The following DSCAM variants were observed in gnomAD, a reference collection of about 807,000 sequenced individuals.
DSCAM encodes DS cell adhesion molecule.
Under a neutral mutation model 217.7 loss-of-function variants are expected in DSCAM, and 47 were observed. That is an observed-to-expected ratio of 0.22 (90% confidence interval 0.17 to 0.28). The LOEUF is 0.28. DSCAM is among the 10% of genes least tolerant of loss of function. The pLI is 1.00. For synonymous variants in DSCAM, 1,056 were observed against 1,015.3 expected, an observed-to-expected ratio of 1.04 and a Z score of -0.76; for missense variants, 2,080 against 2,618.3, an observed-to-expected ratio of 0.79 and a Z score of 4.49.
chr21:40,632,392 T>C (rs554418754), intron 3 of DSCAM, among the ~76,000 whole-genome samples: 1 of 152,180 alleles, frequency 6.6e-6, no homozygotes, highest in African/African-American at 2.4e-5. Flanking sequence ...GTTTTATATA[T>C]ACATATGCAT....
chr21:40,589,444 C>A (rs574854024), intron 3 of DSCAM, among the ~76,000 whole-genome samples: 1 of 152,112 alleles, frequency 6.6e-6, no homozygotes, highest in South Asian at 2.1e-4. Flanking sequence ...GGTGTGGTGG[C>A]ATGTGCCTGT....
chr21:40,044,407 TCTC>T (rs762286419), intron 30 of DSCAM, 132 bp from the exon 31 acceptor site: 232 of 824,626 alleles, frequency 2.8e-4, no homozygotes, highest in Middle Eastern at 1.1e-3. Context: ...TTCCTTGACT[TCTC>T]CTGTGCAGAG....
At chr21:40,679,725 AAAAT>A in intron 3 of DSCAM, among the ~76,000 whole-genome samples, 1 of 152,364 alleles carries the variant, frequency 6.6e-6, no homozygotes, top group South Asian at 2.1e-4. Context: ...CTATTTAAGA[AAAAT>A]AAACGTTTTA....
intron 3 of DSCAM, among the ~76,000 whole-genome samples, chr21:40,431,802 C>T (rs1156738007): frequency 1.3e-5 from 2 of 152,218 alleles, no homozygotes; most frequent in Non-Finnish European, 2.9e-5. Flanking sequence ...AGTACCCCAA[C>T]TGCTGCATTT....
At chr21:40,773,142 A>G (rs536403236) in intron 1 of DSCAM, among the ~76,000 whole-genome samples, 4 of 152,212 alleles carry the variant, frequency 2.6e-5, no homozygotes, top group South Asian at 4.1e-4. Context: ...TGTTCAACCA[A>G]TCCTTCATCA....
At position 40,847,043 on chromosome 21, in the gene DSCAM, G is replaced by C. The variant is rs1176865505; in HGVS notation, c.-382C>G. 1 of 152,468 alleles carries C rather than the reference G, an allele frequency of 6.6e-6. No homozygotes were observed. Among genetic ancestry groups the C allele is most frequent in the African/African-American group, 2.4e-5 (1 of 41,478 alleles). 9.4% of individuals were successfully genotyped at this position (152,468 alleles called of 1,614,324 possible). On this transcript the variant is annotated 5_prime_UTR_variant, in exon 1 of 33. Coordinates refer to ENST00000400454, the MANE Select transcript of DSCAM (RefSeq NM_001389.5). Reference sequence around the variant, plus strand: ...GCAGCCAGCGGCCTCCCGTGCGCCAGCCCTCACCCTCCGCATCCAGGCAGC... The same window carrying C: ...GCAGCCAGCGGCCTCCCGTGCGCCACCCCTCACCCTCCGCATCCAGGCAGC...
At chr21:40,652,341 CAACAACAAAAA>C (rs1001617170) in intron 3 of DSCAM, among the ~76,000 whole-genome samples, 57 of 31,822 alleles carry the variant, frequency 1.8e-3, no homozygotes, top group African/African-American at 0.01. Flanking sequence ...AAAACAACAA[CAACAACAAAAA>C]AAAAAAAAAA....
chr21:40,628,370 G>A (rs926029680), intron 3 of DSCAM, among the ~76,000 whole-genome samples: 12 of 152,148 alleles, frequency 7.9e-5, no homozygotes, highest in Non-Finnish European at 1.6e-4. Context: ...ACAAATTACT[G>A]TACCTCTACA....
intron 10 of DSCAM, among the ~76,000 whole-genome samples, chr21:40,287,450 T>C (rs970274127): frequency 4.6e-5 from 7 of 152,006 alleles, no homozygotes; most frequent in African/African-American, 1.4e-4. Flanking sequence ...CCCCTGGACA[T>C]TGGGAGGGAA....
At chr21:40,471,132 G>C (rs1014961128) in intron 3 of DSCAM, among the ~76,000 whole-genome samples, 3 of 152,106 alleles carry the variant, frequency 2.0e-5, no homozygotes, top group African/African-American at 7.2e-5. Flanking sequence ...CTTTCTCTAA[G>C]GTTTAGCATA....
intron 3 of DSCAM, among the ~76,000 whole-genome samples, chr21:40,392,679 G>A (rs2075144681): frequency 6.6e-6 from 1 of 152,090 alleles, no homozygotes; most frequent in African/African-American, 2.4e-5. Context: ...TGAAGCCTCT[G>A]GGTCTACTCC....
intron 3 of DSCAM, among the ~76,000 whole-genome samples, chr21:40,536,824 T>A (rs2076503529): frequency 6.6e-6 from 1 of 152,064 alleles, no homozygotes; most frequent in African/African-American, 2.4e-5. Flanking sequence ...ACACAGAAAA[T>A]TTTGGCAATG....
intron 3 of DSCAM, among the ~76,000 whole-genome samples, chr21:40,502,462 G>A (rs541725603): frequency 6.6e-6 from 1 of 152,148 alleles, no homozygotes; most frequent in Non-Finnish European, 1.5e-5. Context: ...TCCAAAATGG[G>A]TCAAGCTGGG....
intron 3 of DSCAM, among the ~76,000 whole-genome samples, chr21:40,429,933 A>C (rs1404660362): frequency 6.6e-6 from 1 of 152,206 alleles, no homozygotes; most frequent in Non-Finnish European, 1.5e-5. Flanking sequence ...TAAAGTTACT[A>C]ATATCTCCTT....
In DSCAM at chr21:40,232,151, T is replaced by C. The variant is rs543912414; in HGVS notation, c.2357-42913A>G. 3.3e-5 allele frequency among the ~76,000 whole-genome samples: 5 copies of C among 152,318 alleles called. No individual in the cohort carries two copies. The South Asian group carries it at 6.2e-4, about 19-fold the overall frequency. On this transcript the variant is annotated intron_variant, in intron 11 of 32. Transcript: ENST00000400454. ...ACTTCTGCATTGGCAGACCTAGAAC[T>C]GTAACTACAGGCAGATGACGTCACT...
At chr21:40,183,426 C>A (rs538989455) in intron 14 of DSCAM, among the ~76,000 whole-genome samples, 1 of 152,168 alleles carries the variant, frequency 6.6e-6, no homozygotes, top group African/African-American at 2.4e-5. Context: ...TGCCTGTGCC[C>A]GCTCAGATGA....
chr21:40,030,021 CATACACATTCACACACAA>C (rs1446926265), intron 32 of DSCAM, among the ~76,000 whole-genome samples: 1 of 152,242 alleles, frequency 6.6e-6, no homozygotes, highest in Non-Finnish European at 1.5e-5. Context: ...TGCGTGCACA[CATACACATTCACACACAA>C]GTACACATGC....
intron 1 of DSCAM, among the ~76,000 whole-genome samples, chr21:40,751,663 C>G (rs991269619): frequency 2.6e-5 from 4 of 152,026 alleles, no homozygotes; most frequent in Non-Finnish European, 5.9e-5. Context: ...GATTAGTTAA[C>G]AAGGAGTTCA....
chr21:40,634,299 G>A (rs116778455), intron 3 of DSCAM, among the ~76,000 whole-genome samples: 292 of 152,284 alleles, frequency 1.9e-3, no homozygotes, highest in African/African-American at 6.8e-3. Flanking sequence ...AATTTTTGGT[G>A]GCAGCGGTTG....
Sources: allele counts gnomAD v4.1 joint callset (sites outside exome capture counted in the v4.1 genomes callset), GRCh38; gene constraint gnomAD v4.1.1; transcripts MANE v1.5; gene names NCBI Gene and HGNC (gene_info 2026-07-23, HGNC 2026-07-21).